NLGN1: variants seen among roughly 807,000 people sequenced by gnomAD.
The protein encoded by NLGN1 is neuroligin 1.
In NLGN1, 12 loss-of-function variants were observed where a neutral mutation model predicts 65.5. The ratio of observed to expected loss-of-function variants is 0.18; its 90% CI spans 0.12 to 0.30. The LOEUF is 0.30. Among genes scored for constraint, NLGN1 ranks in the 10% least tolerant of loss-of-function variants. The pLI, the probability that NLGN1 is intolerant of heterozygous loss-of-function variation, is 1.00. For synonymous variants in NLGN1, 350 were observed against 359.5 expected, an observed-to-expected ratio of 0.97 and a Z score of 0.30; for missense variants, 750 against 1,007.1, an observed-to-expected ratio of 0.74 and a Z score of 3.46.
At chr3:173,490,588 G>A (rs1728954274) in intron 2 of NLGN1, among the ~76,000 whole-genome samples, 1 of 152,082 alleles carries the variant, frequency 6.6e-6, no homozygotes, top group African/African-American at 2.4e-5. Flanking sequence ...CTCTTTTGTG[G>A]TTCCATATGA....
intron 3 of NLGN1, among the ~76,000 whole-genome samples, chr3:173,745,227 T>G (rs919913390): frequency 6.6e-6 from 1 of 151,954 alleles, no homozygotes; most frequent in Non-Finnish European, 1.5e-5. Flanking sequence ...TCATTACAGA[T>G]TGAATGAAGA....
chr3:173,432,311 T>G (rs1443911859), intron 1 of NLGN1, among the ~76,000 whole-genome samples: 1 of 152,188 alleles, frequency 6.6e-6, no homozygotes, highest in Admixed American at 6.5e-5. Context: ...AAAACTGACT[T>G]GCAAAGATGC....
At chr3:174,188,678 CTAT>C (rs943362896) in intron 4 of NLGN1, among the ~76,000 whole-genome samples, 1 of 152,010 alleles carries the variant, frequency 6.6e-6, no homozygotes, top group Non-Finnish European at 1.5e-5. Context: ...ACAACAGAGA[CTAT>C]TTATAAACTC....
intron 3 of NLGN1, among the ~76,000 whole-genome samples, chr3:173,721,616 A>C (rs910418750): frequency 2.6e-5 from 4 of 152,168 alleles, no homozygotes; most frequent in African/African-American, 4.8e-5. Flanking sequence ...ACAACAACCC[A>C]TTGGGTTTTT....
At chr3:173,493,437 C>T (rs1257639632) in intron 2 of NLGN1, among the ~76,000 whole-genome samples, 2 of 151,830 alleles carry the variant, frequency 1.3e-5, no homozygotes, top group Admixed American at 1.3e-4. Flanking sequence ...TGGGGATTAG[C>T]AACTCAACTT....
intron 2 of NLGN1, among the ~76,000 whole-genome samples, chr3:173,553,009 T>C (rs1741135666): frequency 6.6e-6 from 1 of 152,188 alleles, no homozygotes; most frequent in African/African-American, 2.4e-5. Flanking sequence ...TCAGAACTAT[T>C]AAATCAAGTA....
At chr3:174,124,741 T>G (rs1010265922) in intron 4 of NLGN1, among the ~76,000 whole-genome samples, 1 of 150,770 alleles carries the variant, frequency 6.6e-6, no homozygotes, top group Admixed American at 6.6e-5. Flanking sequence ...TATATACATA[T>G]ATTACACACG....
intron 3 of NLGN1, among the ~76,000 whole-genome samples, chr3:173,709,803 C>CAAAAAAAAAAA (rs59998502): frequency 2.9e-5 from 2 of 69,260 alleles, no homozygotes; most frequent in African/African-American, 1.1e-4. Context: ...AACTCTATCT[C>CAAAAAAAAAAA]AAAAAAAAAA....
At chr3:173,858,306 G>C (rs1209287754) in intron 4 of NLGN1, among the ~76,000 whole-genome samples, 2 of 151,996 alleles carry the variant, frequency 1.3e-5, no homozygotes, top group East Asian at 1.9e-4. Context: ...CTTGGACTGA[G>C]TCATATATTT....
At position 173,850,523 on chromosome 3, in the gene NLGN1, T is replaced by C. The variant is rs1489099837; in HGVS notation, c.646+42691T>C. Among the ~76,000 whole-genome samples, 4 of 152,122 alleles carry C rather than the reference T, an allele frequency of 2.6e-5. No individual in the cohort carries two copies. The South Asian group carries it at 8.3e-4, about 32-fold the overall frequency. On this transcript the variant is annotated intron_variant, in intron 4 of 6. Coordinates refer to ENST00000457714, the Ensembl canonical transcript of NLGN1. ...TGTGGGTTTCTTTTGGGGAGGGTAG[T>C]ATTTTATTTTTACTCTATCTGCAAT...
chr3:173,991,892 A>C (rs889904047), intron 4 of NLGN1, among the ~76,000 whole-genome samples: 2 of 152,070 alleles, frequency 1.3e-5, no homozygotes, highest in Admixed American at 6.6e-5. Context: ...GGCTCACTGC[A>C]ACCTCTGCCT....
intron 2 of NLGN1, among the ~76,000 whole-genome samples, chr3:173,460,557 TG>T (rs1723216362): frequency 6.6e-6 from 1 of 152,122 alleles, no homozygotes; most frequent in Non-Finnish European, 1.5e-5. Flanking sequence ...GGTTTTTGTT[TG>T]TGTTTTTGTT....
At chr3:173,768,112 A>G (rs1779034368) in intron 3 of NLGN1, among the ~76,000 whole-genome samples, 1 of 152,138 alleles carries the variant, frequency 6.6e-6, no homozygotes, top group African/African-American at 2.4e-5. Flanking sequence ...TACTTAGATA[A>G]TTTATCCAAG....
In NLGN1 at chr3:174,279,378, G is replaced by A. The variant is rs765567406; in HGVS notation, c.1377G>A (p.Leu459=). 2.5e-6 allele frequency: 4 copies of A among 1,613,382 alleles called. No homozygotes were observed. In the South Asian group the frequency reaches 3.3e-5, roughly 13 times the overall value. The change falls in exon 6 of 7, where the codon TTG becomes TTA. Residue 459 remains leucine (L), a synonymous_variant. Transcript: ENST00000457714. The surrounding 1 kb of genome is among the most constrained non-coding windows in gnomAD (Gnocchi z 4.7). ...CCAGAAGAAAGACATTACTGGCTTT[G>A]TTTACGGACCATCAGTGGGTGGCAC... is the stretch of plus-strand genomic sequence containing the variant.
chr3:173,720,388 C>T (rs1770635072), intron 3 of NLGN1, among the ~76,000 whole-genome samples: 1 of 151,914 alleles, frequency 6.6e-6, no homozygotes, highest in Non-Finnish European at 1.5e-5. Flanking sequence ...TATTTTTTGT[C>T]CTGTATTATA....
intron 4 of NLGN1, among the ~76,000 whole-genome samples, chr3:174,260,533 T>C (rs1746691491): frequency 6.6e-6 from 1 of 150,454 alleles, no homozygotes; most frequent in Admixed American, 6.7e-5. Flanking sequence ...GATGGGGTTG[T>C]TTGTTTTTTT....
chr3:174,108,499 G>T (rs1032944264), intron 4 of NLGN1, among the ~76,000 whole-genome samples: 6 of 151,666 alleles, frequency 4.0e-5, no homozygotes, highest in Admixed American at 2.6e-4. Flanking sequence ...AAGCTAAGCT[G>T]GACAGTACTT....
chr3:174,176,350 A>C (rs1023587123), intron 4 of NLGN1, among the ~76,000 whole-genome samples: 7 of 152,022 alleles, frequency 4.6e-5, no homozygotes, highest in Non-Finnish European at 8.8e-5. Context: ...AAAAAGTATT[A>C]AATTTTTACT....
intron 2 of NLGN1, among the ~76,000 whole-genome samples, chr3:173,438,615 A>T (rs892285797): frequency 6.6e-6 from 1 of 152,136 alleles, no homozygotes; most frequent in Non-Finnish European, 1.5e-5. Flanking sequence ...TTTCACTTTT[A>T]TTTTCAAAGT....
Sources: allele counts gnomAD v4.1 joint callset (sites outside exome capture counted in the v4.1 genomes callset), GRCh38; gene constraint gnomAD v4.1.1; non-coding constraint Gnocchi (gnomAD v3.1); transcripts MANE v1.5; gene names NCBI Gene and HGNC (gene_info 2026-07-23, HGNC 2026-07-21).